The following TFR2 variants were observed in gnomAD, a reference collection of about 807,000 sequenced individuals.
The protein encoded by TFR2 is transferrin receptor 2.
In TFR2, 64 loss-of-function variants were observed where a neutral mutation model predicts 91.9. That is an observed-to-expected ratio of 0.70 (90% CI 0.57 to 0.86). The LOEUF (loss-of-function observed/expected upper bound fraction) is 0.86, where lower values mean the gene tolerates loss of function less well. Among genes scored for constraint, TFR2 ranks in the 40% least tolerant of loss-of-function variants. The pLI is 0.00. For synonymous variants in TFR2, 454 were observed against 459.6 expected, an observed-to-expected ratio of 0.99 and a Z score of 0.15; for missense variants, 950 against 1,080.5, an observed-to-expected ratio of 0.88 and a Z score of 1.69.
Position 100,640,830 on chromosome 7 carries a change from G to T in TFR2, c.329C>A (p.Ala110Glu). The change falls in exon 3 of 18, where the codon GCG (alanine) becomes GAG (glutamate). Residue 110 changes from alanine to glutamate, a missense_variant. Physicochemically the swap from Ala to Glu is moderately radical, Grantham distance 107. Transcript: ENST00000223051. ...GACCACCAACACAGAGTCTCCGCAC[G>T]CCTGGCAGGACCCTCGGAAGGCGAC... ...GYVAFRGSCQACGDSVLVVSE... is the reference protein window; with the variant it reads ...GYVAFRGSCQECGDSVLVVSE... The T allele has an allele frequency of 6.2e-7, 1 of 1,614,142 alleles. No individual in the cohort carries two copies. Among genetic ancestry groups the T allele is most frequent in the Non-Finnish European group, 8.5e-7 (1 of 1,180,040 alleles).
Position 100,633,486 on chromosome 7 carries a change from C to T in TFR2, c.544G>A (p.Ala182Thr). ...MAALTQDIRA[A>T]LSRQKLDHVW... The stretch of plus-strand genomic sequence containing the variant: ...TGGTCCAGCTTCTGGCGGGAGAGCG[C>T]CGCGCGAATGTCCTGAGTCAGAGCG... Residue 182 changes from alanine to threonine, a missense_variant, in exon 4 of 18, where the codon GCG becomes ACG. Coordinates refer to ENST00000223051, the MANE Select transcript of TFR2 (RefSeq NM_003227.4). 1 of 1,612,092 alleles carries T rather than the reference C, an allele frequency of 6.2e-7. No homozygotes were observed. The highest frequency in any genetic ancestry group is 8.5e-7 in the Non-Finnish European group (1 of 1,179,902).
chr7:100,628,489 T>C (rs1464585835), intron 10 of TFR2, among the ~76,000 whole-genome samples, 183 bp from the exon 11 acceptor site: 1 of 152,022 alleles, frequency 6.6e-6, no homozygotes, highest in Non-Finnish European at 1.5e-5. Flanking sequence ...AGCCTTGACC[T>C]CTCAGGTTCA....
rs1353009336 is a variant in TFR2 at position 100,628,440 on chromosome 7, C to T, written c.1391-134G>A. On this transcript the variant is annotated intron_variant, in intron 10 of 17. Coordinates refer to ENST00000223051, the MANE Select transcript of TFR2 (RefSeq NM_003227.4). ...TCTGAGACAGGATCTCACTCTCTCG[C>T]CCAGGCTGGAGTGCAGTGGTGCAAT... 20 of 894,410 alleles carry T rather than the reference C, an allele frequency of 2.2e-5. No homozygotes were observed. The East Asian group carries it at 4.8e-4, about 21-fold the overall frequency. The allele number at this position is 894,410 out of a possible 1,614,324, so 55.4% of individuals were successfully genotyped here.
chr7:100,621,411 G>A (rs898487241), intron 17 of TFR2, among the ~76,000 whole-genome samples: 1 of 152,064 alleles, frequency 6.6e-6, no homozygotes, highest in African/African-American at 2.4e-5. Context: ...CCGCCACGAC[G>A]CCCGGCTAAT....
At position 100,640,718 on chromosome 7, in the gene TFR2, G is replaced by A. The variant is rs777107486; in HGVS notation, c.441C>T (p.Phe147=). The A allele has an allele frequency of 6.2e-6, 10 of 1,613,576 alleles. No individual in the cohort carries two copies. The highest frequency in any genetic ancestry group is 8.5e-7 in the Non-Finnish European group (1 of 1,179,910). The change falls in exon 3 of 18, where the codon TTC becomes TTT. Residue 147 remains phenylalanine, a synonymous_variant. Transcript: ENST00000223051. Reference sequence around the variant, plus strand: ...TGTCCTCCAGGCGCCCCTCCCCCAGGAACTGCAGGAACATGGCCTGGAGGT... The same window carrying A: ...TGTCCTCCAGGCGCCCCTCCCCCAGAAACTGCAGGAACATGGCCTGGAGGT... ...WSDLQAMFLQ[F]LGEGRLEDTI...
chr7:100,620,618 T>A lies in TFR2; in HGVS notation c.*239A>T. 1.9e-6 allele frequency: 1 copy of A among 530,926 alleles called. No individual in the cohort carries two copies. 32.9% of individuals were successfully genotyped at this position (530,926 alleles called of 1,614,324 possible). The stretch of plus-strand genomic sequence containing the variant: ...GGGGAAGGGGCTGTGATTGAAGGGA[T>A]GCTACTCTCTGATTAACCGACAGTA... On this transcript the variant is annotated 3_prime_UTR_variant, in exon 18 of 18. Coordinates refer to ENST00000223051, the MANE Select transcript of TFR2 (RefSeq NM_003227.4).
chr7:100,633,377 C>G, intron 4 of TFR2, 37 bp from the exon 5 acceptor site: 1 of 1,608,608 alleles, frequency 6.2e-7, no homozygotes. Flanking sequence ...CGAGCCGCGT[C>G]CCCCTCCCCG....
At chr7:100,625,320 A>G (rs558293237) in intron 17 of TFR2, among the ~76,000 whole-genome samples, 16 of 151,936 alleles carry the variant, frequency 1.1e-4, no homozygotes, top group African/African-American at 3.4e-4. Context: ...CAGCCTCCCA[A>G]AGTGCTGAGA....
Position 100,641,102 on chromosome 7 carries a change from T to TG in TFR2, c.159dup (p.Met54HisfsTer7). On this transcript the variant is annotated frameshift_variant, in exon 2 of 18. Transcript: ENST00000223051. LOFTEE classifies it high-confidence loss of function. ...AGGGGCTCAGGGCCCCTCAGCTCCA[T>TG]GGGGCAGAAGTGGGCCAATGTCTCC... 6.3e-7 allele frequency: 1 copy of TG among 1,595,910 alleles called. No individual in the cohort carries two copies. The highest frequency in any genetic ancestry group is 8.5e-7 in the Non-Finnish European group (1 of 1,170,798).
intron 17 of TFR2, chr7:100,626,502 C>T: frequency 7.4e-7 from 1 of 1,349,346 alleles, no homozygotes; most frequent in Admixed American, 3.3e-5. Context: ...TGGATTGTCC[C>T]AGTTCTGCCA....
chr7:100,631,372 T>A, intron 8 of TFR2: 1 of 191,998 alleles, frequency 5.2e-6, no homozygotes, highest in Admixed American at 6.1e-5. Context: ...CTCACACCTG[T>A]AATCCCAGCA....
chr7:100,627,421 C>A lies in TFR2; in HGVS notation c.1838G>T (p.Gly613Val). Residue 613 changes from glycine to valine, a missense_variant, in exon 16 of 18, where the codon GGC (glycine) becomes GTC (valine). Transcript: ENST00000223051. ...TYENLHKVLQ[G>V]RLPAVAQAVA... ...GGCCTGGGCCACGGCGGGCAGGCGGCCTTGCAGCACCTTATGCAGGTTCTC... is the reference window on the plus strand; with the variant it reads ...GGCCTGGGCCACGGCGGGCAGGCGGACTTGCAGCACCTTATGCAGGTTCTC... 6.3e-7 allele frequency: 1 copy of A among 1,578,050 alleles called. No homozygotes were observed. The highest frequency in any genetic ancestry group is 8.6e-7 in the Non-Finnish European group (1 of 1,162,128).
chr7:100,625,339 G>A (rs573162346), intron 17 of TFR2, among the ~76,000 whole-genome samples: 5 of 152,252 alleles, frequency 3.3e-5, no homozygotes, highest in Non-Finnish European at 5.9e-5. Context: ...GATTACAGGC[G>A]TAAGCCACCG....
chr7:100,631,741 T>C, intron 8 of TFR2, 65 bp downstream of exon 8: 1 of 1,575,126 alleles, frequency 6.3e-7, no homozygotes, highest in Non-Finnish European at 8.6e-7. Flanking sequence ...ACAATCACCC[T>C]GTGGCCTCGC....
In TFR2 at chr7:100,636,156, G is replaced by A. The variant is rs189115091; in HGVS notation, c.474-2600C>T. Among the ~76,000 whole-genome samples, 177 of 146,070 alleles carry A rather than the reference G, an allele frequency of 1.2e-3. 1 individual carries two copies. The highest frequency in any genetic ancestry group is 7.2e-3 in the Middle Eastern group (2 of 278). On this transcript the variant is annotated intron_variant, in intron 3 of 17. Coordinates refer to ENST00000223051, the MANE Select transcript of TFR2 (RefSeq NM_003227.4). ...CCAGTCCAGGCACTCCACTTCCCTGGTCACACCCTGCATCTTTTTTTTTTT... is the reference window on the plus strand; with the variant it reads ...CCAGTCCAGGCACTCCACTTCCCTGATCACACCCTGCATCTTTTTTTTTTT...
chr7:100,627,272 C>A lies in TFR2; in HGVS notation c.1987G>T (p.Asp663Tyr). 6.5e-7 allele frequency: 1 copy of A among 1,549,112 alleles called. No individual in the cohort carries two copies. Among genetic ancestry groups the A allele is most frequent in the Non-Finnish European group, 8.7e-7 (1 of 1,146,748 alleles). The change falls in exon 16 of 18, where the codon GAC (aspartate) becomes TAC (tyrosine). Residue 663 changes from aspartate to tyrosine, a missense_variant. Transcript: ENST00000223051. Reference sequence around the variant, plus strand: ...GGGTGGGCCTCTTGAACCTTGAGGTCCCCAGAGAACTCGTTGAGGTTCCCG... The same window carrying A: ...GGGTGGGCCTCTTGAACCTTGAGGTACCCAGAGAACTCGTTGAGGTTCCCG... ...HIGNLNEFSGDLKARGLTLQW... is the reference protein window; with the variant it reads ...HIGNLNEFSGYLKARGLTLQW...
chr7:100,623,695 A>G (rs1318124881), intron 17 of TFR2, among the ~76,000 whole-genome samples: 1 of 151,988 alleles, frequency 6.6e-6, no homozygotes, highest in East Asian at 1.9e-4. Flanking sequence ...AGGTGGGAGG[A>G]TCACTTGAGC....
At chr7:100,633,650 G>A (rs1803515564) in intron 3 of TFR2, 94 bp from the exon 4 acceptor site, 10 of 1,472,236 alleles carry the variant, frequency 6.8e-6, no homozygotes, top group Non-Finnish European at 8.9e-6. Flanking sequence ...CAGGGGCAGG[G>A]GCGGCGAGGG....
chr7:100,625,594 G>A (rs966326716), intron 17 of TFR2, among the ~76,000 whole-genome samples: 3 of 152,126 alleles, frequency 2.0e-5, no homozygotes, highest in Admixed American at 6.6e-5. Flanking sequence ...ATAAGAAGGA[G>A]AGGAGAAGGC....
Sources: gnomAD v4.1 joint callset for allele counts (sites outside exome capture counted in the v4.1 genomes callset) on GRCh38, gnomAD v4.1.1 for gene constraint, MANE v1.5 for transcripts, NCBI Gene and HGNC (gene_info 2026-07-23, HGNC 2026-07-21) for gene names.